Variants in MED8 observed in about 807,000 individuals in gnomAD.
The protein encoded by MED8 is mediator complex subunit 8, also known as mediator of RNA polymerase II transcription subunit 8.
MED8 carries 22 observed loss-of-function variants against 34.8 expected under a neutral mutation model. That is an observed-to-expected ratio of 0.63 (90% CI 0.45 to 0.90). The LOEUF is 0.90. Among genes scored for constraint, MED8 ranks in the 40% least tolerant of loss-of-function variants. MED8 has a pLI of 0.00. For synonymous variants in MED8, 105 were observed against 120.2 expected (o/e 0.87, Z 0.83); for missense variants, 260 against 326.3 (o/e 0.80, Z 1.57).
chr1:43,389,744 C>G lies in MED8; in HGVS notation c.6+15G>C. On this transcript the variant is annotated intron_variant, in intron 1 of 6. Transcript: ENST00000372457. ...GAAGCTTGCCAGCCGCTAGTACGCC[C>G]AACGCAACTCTCACCTGCATTGCGG... is the stretch of plus-strand genomic sequence containing the variant. The G allele has an allele frequency of 6.2e-7, 1 of 1,606,700 alleles. No homozygotes were observed. Among genetic ancestry groups the G allele is most frequent in the Non-Finnish European group, 8.5e-7 (1 of 1,176,928 alleles).
chr1:43,385,214 C>G (rs1647687566), intron 6 of MED8, 108 bp from the exon 7 acceptor site: 2 of 1,402,380 alleles, frequency 1.4e-6, no homozygotes, highest in South Asian at 1.4e-5. Flanking sequence ...CATCTCAGAA[C>G]CTCTGCGGCA....
rs534512104 is a variant in MED8 at position 43,384,567 on chromosome 1, T to C, written c.*475A>G. Reference sequence around the variant, plus strand: ...GGCAGGAGGGCCTGCAAAAACAGTGTGCCTCTAAGAACACAGAGGTTGCTA... The same window carrying C: ...GGCAGGAGGGCCTGCAAAAACAGTGCGCCTCTAAGAACACAGAGGTTGCTA... On this transcript the variant is annotated 3_prime_UTR_variant, in exon 7 of 7. Coordinates refer to ENST00000372457, the MANE Select transcript of MED8 (RefSeq NM_201542.5). The C allele has an allele frequency of 7.5e-6, 12 of 1,597,696 alleles. No individual in the cohort carries two copies. In the East Asian group the frequency reaches 2.5e-4, roughly 33 times the overall value.
Position 43,384,863 on chromosome 1 carries a change from A to G in MED8, c.*179T>C. On this transcript the variant is annotated 3_prime_UTR_variant, in exon 7 of 7. Coordinates refer to ENST00000372457, the MANE Select transcript of MED8 (RefSeq NM_201542.5). ...CCATTTACAAATGAGAAACAGGCTC[A>G]GAAAAATTAGGTCACTTGTCCAAGG... 7.2e-7 allele frequency: 1 copy of G among 1,396,548 alleles called. No individual in the cohort carries two copies. Among genetic ancestry groups the G allele is most frequent in the Non-Finnish European group, 9.4e-7 (1 of 1,065,872 alleles). 86.5% of individuals were successfully genotyped at this position (1,396,548 alleles called of 1,614,324 possible). A position where few individuals can be genotyped will look rare whatever the true frequency, so the allele number is the denominator to read the frequency against.
chr1:43,384,792 T>C lies in MED8; in HGVS notation c.*250A>G. 1.4e-6 allele frequency: 2 copies of C among 1,405,830 alleles called. No homozygotes were observed. The highest frequency in any genetic ancestry group is 1.9e-6 in the Non-Finnish European group (2 of 1,078,638). The allele number at this position is 1,405,830 out of a possible 1,614,324, so 87.1% of individuals were successfully genotyped here. On this transcript the variant is annotated 3_prime_UTR_variant, in exon 7 of 7. Transcript: ENST00000372457. ...CTGTACTAAGTGCTTTACATTCATT[T>C]CCTCATTTTAATCCTCACAACAACC...
chr1:43,386,594 C>G lies in MED8; in HGVS notation c.488G>C (p.Ser163Thr), dbSNP rs1273524018. Residue 163 changes from serine to threonine, a missense_variant, in exon 5 of 7, where the codon AGT becomes ACT. Ser to Thr is a moderately conservative substitution (Grantham distance 58, BLOSUM62 1). Coordinates refer to ENST00000372457, the MANE Select transcript of MED8 (RefSeq NM_201542.5). This position sits in a 1 kb window ranked among gnomAD's most constrained non-coding sequence, Gnocchi z 4.9. ...KISKEERESE[S>T]GGLRPNKQTF... ...AGCCACCAGTCCCATCATACCTCCA[C>G]TCTCTGATTCTCGCTCCTCTTTGCT... 1.9e-6 allele frequency: 3 copies of G among 1,611,450 alleles called. No individual in the cohort carries two copies. Among genetic ancestry groups the G allele is most frequent in the Admixed American group, 1.7e-5 (1 of 59,696 alleles).
At chr1:43,387,365 T>C in intron 3 of MED8, 138 bp downstream of exon 3, 1 of 1,167,048 alleles carries the variant, frequency 8.6e-7, no homozygotes, top group East Asian at 2.6e-5. Context: ...GGAGTGGCTC[T>C]CCCGCCTTCA....
chr1:43,388,303 C>G lies in MED8; in HGVS notation c.125+7G>C. ...AGCCCTTCCTAGCTTGCCCTGGTAACTCTTACCAGGTCAGCCGGCCATACT... is the reference window on the plus strand; with the variant it reads ...AGCCCTTCCTAGCTTGCCCTGGTAAGTCTTACCAGGTCAGCCGGCCATACT... On this transcript the variant is annotated splice_region_variant and intron_variant, in intron 2 of 6. Transcript: ENST00000372457. 1 of 1,612,702 alleles carries G rather than the reference C, an allele frequency of 6.2e-7. No homozygotes were observed. Among genetic ancestry groups the G allele is most frequent in the Non-Finnish European group, 8.5e-7 (1 of 1,179,784 alleles).
chr1:43,386,358 G>A lies in MED8; in HGVS notation c.494-132C>T. The A allele has an allele frequency of 8.0e-7, 1 of 1,250,818 alleles. No individual in the cohort carries two copies. The highest frequency in any genetic ancestry group is 1.1e-6 in the Non-Finnish European group (1 of 923,776). 77.5% of individuals were successfully genotyped at this position (1,250,818 alleles called of 1,614,324 possible). A position where few individuals can be genotyped will look rare whatever the true frequency, so the allele number is the denominator to read the frequency against. On this transcript the variant is annotated intron_variant, in intron 5 of 6. Coordinates refer to ENST00000372457, the MANE Select transcript of MED8 (RefSeq NM_201542.5). This position sits in a 1 kb window ranked among gnomAD's most constrained non-coding sequence, Gnocchi z 4.9. ...AACATCTAGACTCCCTCACAGCCCA[G>A]AAAAAGAGCCAGAGGACCCCCAAGC...
chr1:43,385,133 T>C (rs754982226), intron 6 of MED8, 27 bp from the exon 7 acceptor site: 2 of 1,550,852 alleles, frequency 1.3e-6, no homozygotes, highest in Non-Finnish European at 8.7e-7. Context: ...AAAAGTCATC[T>C]TAAGCAAGGT....
In MED8 at chr1:43,387,086, G is replaced by A. The variant is rs554200211; in HGVS notation, c.271-88C>T. The A allele has an allele frequency of 1.4e-5, 22 of 1,528,294 alleles. No homozygotes were observed. The African/African-American group carries it at 1.8e-4, about 12-fold the overall frequency. The allele number at this position is 1,528,294 out of a possible 1,614,324, so 94.7% of individuals were successfully genotyped here. A position where few individuals can be genotyped will look rare whatever the true frequency, so the allele number is the denominator to read the frequency against. On this transcript the variant is annotated intron_variant, in intron 3 of 6. Transcript: ENST00000372457. ...ATAAAGTCCCATCCACAGGCAAACA[G>A]TGCATTTTCAAGGAAAATACAACCT... is the stretch of plus-strand genomic sequence containing the variant.
Position 43,386,324 on chromosome 1 carries a change from G to C in MED8, c.494-98C>G. 6 of 1,444,544 alleles carry C rather than the reference G, an allele frequency of 4.2e-6. No homozygotes were observed. 89.5% of individuals were successfully genotyped at this position (1,444,544 alleles called of 1,614,324 possible). ...TATGAGTGCCAGGGTTTGGAGTTCTGAATTCAGCAACATCTAGACTCCCTC... is the reference window on the plus strand; with the variant it reads ...TATGAGTGCCAGGGTTTGGAGTTCTCAATTCAGCAACATCTAGACTCCCTC... On this transcript the variant is annotated intron_variant, in intron 5 of 6. Transcript: ENST00000372457. The surrounding 1 kb of genome is among the most constrained non-coding windows in gnomAD (Gnocchi z 4.9).
chr1:43,387,784 G>A (rs1481079896), intron 2 of MED8, 137 bp from the exon 3 acceptor site: 8 of 878,560 alleles, frequency 9.1e-6, no homozygotes, highest in East Asian at 4.9e-5. Flanking sequence ...TAGCCTAAGT[G>A]GGAACAGACT....
At chr1:43,389,213 A>AG (rs1420218141) in intron 1 of MED8, 1 of 154,582 alleles carries the variant, frequency 6.5e-6, no homozygotes, top group African/African-American at 2.4e-5. Flanking sequence ...TAACAACTAT[A>AG]GGGCACAGGC....
At position 43,386,696 on chromosome 1, in the gene MED8, A is replaced by C; in HGVS notation, c.412-26T>G. Reference sequence around the variant, plus strand: ...CTGTAACACACAAATTTGTGCAGAGATTAGGGTAACTAGGAAACGATATGG... The same window carrying C: ...CTGTAACACACAAATTTGTGCAGAGCTTAGGGTAACTAGGAAACGATATGG... On this transcript the variant is annotated intron_variant, in intron 4 of 6. Coordinates refer to ENST00000372457, the MANE Select transcript of MED8 (RefSeq NM_201542.5). This position sits in a 1 kb window ranked among gnomAD's most constrained non-coding sequence, Gnocchi z 4.9. 2 of 1,602,360 alleles carry C rather than the reference A, an allele frequency of 1.2e-6. No homozygotes were observed. The highest frequency in any genetic ancestry group is 1.7e-6 in the Non-Finnish European group (2 of 1,174,004).
chr1:43,386,720 G>A lies in MED8; in HGVS notation c.412-50C>T, dbSNP rs780219304. 1.3e-6 allele frequency: 2 copies of A among 1,591,100 alleles called. No homozygotes were observed. Among genetic ancestry groups the A allele is most frequent in the South Asian group, 1.1e-5 (1 of 88,754 alleles). On this transcript the variant is annotated intron_variant, in intron 4 of 6. Coordinates refer to ENST00000372457, the MANE Select transcript of MED8 (RefSeq NM_201542.5). This position sits in a 1 kb window ranked among gnomAD's most constrained non-coding sequence, Gnocchi z 4.9. ...GATTAGGGTAACTAGGAAACGATATGGAGAAATTTATTCCTTGGGTTCTGC... is the reference window on the plus strand; with the variant it reads ...GATTAGGGTAACTAGGAAACGATATAGAGAAATTTATTCCTTGGGTTCTGC...
Position 43,386,657 on chromosome 1 carries a change from C to T in MED8, c.425G>A (p.Ser142Asn), listed in dbSNP as rs760616087. 22 of 1,610,394 alleles carry T rather than the reference C, an allele frequency of 1.4e-5. No homozygotes were observed. The highest frequency in any genetic ancestry group is 1.0e-4 in the Admixed American group (6 of 59,412). The change falls in exon 5 of 7, where the codon AGC becomes AAC. Residue 142 changes from serine (S) to asparagine (N), a missense_variant. By Grantham distance (46) the Ser-to-Asn change is conservative. Coordinates refer to ENST00000372457, the MANE Select transcript of MED8 (RefSeq NM_201542.5). The surrounding 1 kb of genome is among the most constrained non-coding windows in gnomAD (Gnocchi z 4.9). ...AAGGTTTGAACACATTTTATTCAAG[C>T]TCTGGATCTGCTTCTGTAACACACA... ...GADAAQKQIQ[S>N]LNKMCSNLLE...
chr1:43,389,088 AAAAC>A (rs770044513), intron 1 of MED8: 1 of 152,720 alleles, frequency 6.5e-6, no homozygotes, highest in Admixed American at 6.5e-5. Context: ...TGACAAATGA[AAAAC>A]AAAAACCACA....
Position 43,386,054 on chromosome 1 carries a change from CT to C in MED8, c.665del (p.Gln222ArgfsTer33), listed in dbSNP as rs1557485744. On this transcript the variant is annotated frameshift_variant, in exon 6 of 7. Transcript: ENST00000372457. LOFTEE classifies it high-confidence loss of function. This position sits in a 1 kb window ranked among gnomAD's most constrained non-coding sequence, Gnocchi z 4.9. ...GGCTTGGAGCTCCTGCCATCTGCACCTGCTGTAATCCTGAGGTTCCTGCAAG... is the reference window on the plus strand; with the variant it reads ...GGCTTGGAGCTCCTGCCATCTGCACCGCTGTAATCCTGAGGTTCCTGCAAG... Reference protein sequence around the residue: ...TILAGTSGLQQVQMAGAPSQQ... With the variant: ...TILAGTSGLQXVQMAGAPSQQ... 1 of 1,614,012 alleles carries C rather than the reference CT, an allele frequency of 6.2e-7. No homozygotes were observed.
In MED8 at chr1:43,386,248, T is replaced by A. The variant is rs758018623; in HGVS notation, c.494-22A>T. The A allele has an allele frequency of 6.2e-7, 1 of 1,606,474 alleles. No homozygotes were observed. Among genetic ancestry groups the A allele is most frequent in the Non-Finnish European group, 8.5e-7 (1 of 1,177,858 alleles). On this transcript the variant is annotated intron_variant, in intron 5 of 6. Transcript: ENST00000372457. The surrounding 1 kb of genome is among the most constrained non-coding windows in gnomAD (Gnocchi z 4.9). ...AGACCTGAAGAAAAAGTAATGGGGA[T>A]CCTGAAGTATGCTTCTGATGCAGGA... is the stretch of plus-strand genomic sequence containing the variant.
Sources: allele counts gnomAD v4.1 joint callset, GRCh38; gene constraint gnomAD v4.1.1; non-coding constraint Gnocchi (gnomAD v3.1); transcripts MANE v1.5; gene names NCBI Gene and HGNC (gene_info 2026-07-23, HGNC 2026-07-21).